The following TTC7B variants were observed in gnomAD, a reference collection of about 807,000 sequenced individuals.
TTC7B encodes tetratricopeptide repeat protein 7B.
A neutral mutation model predicts 106.8 loss-of-function variants in TTC7B; 28 were observed. The observed-to-expected ratio is 0.26, with a 90% CI of 0.19 to 0.36. The LOEUF (loss-of-function observed/expected upper bound fraction) is 0.36, where lower values mean the gene tolerates loss of function less well. TTC7B is among the 10% of genes least tolerant of loss of function. TTC7B has a pLI of 1.00. For synonymous variants in TTC7B, 405 were observed against 430.6 expected (o/e 0.94, Z 0.74); for missense variants, 862 against 1,076.4 (o/e 0.80, Z 2.79).
At chr14:90,625,028 G>A (rs1884377798) in intron 15 of TTC7B, among the ~76,000 whole-genome samples, 1 of 152,230 alleles carries the variant, frequency 6.6e-6, no homozygotes, top group Non-Finnish European at 1.5e-5. Flanking sequence ...CTCCTGTCCA[G>A]ATCGGGGGAG....
chr14:90,739,075 C>A (rs1030482478), intron 4 of TTC7B, among the ~76,000 whole-genome samples: 2 of 152,124 alleles, frequency 1.3e-5, no homozygotes, highest in African/African-American at 4.8e-5. Flanking sequence ...TTAAAATAAG[C>A]ACTTGCTCTT....
intron 6 of TTC7B, among the ~76,000 whole-genome samples, chr14:90,694,697 TA>T (rs1887619870): frequency 7.0e-6 from 1 of 142,754 alleles, no homozygotes; most frequent in African/African-American, 2.5e-5. Context: ...TATTATAAAA[TA>T]TATTTTATTT....
At chr14:90,659,073 C>A (rs529048530) in intron 9 of TTC7B, among the ~76,000 whole-genome samples, 1 of 152,124 alleles carries the variant, frequency 6.6e-6, no homozygotes, top group Non-Finnish European at 1.5e-5. Context: ...GAAATGTGTC[C>A]GAGGTCAAAT....
intron 3 of TTC7B, among the ~76,000 whole-genome samples, chr14:90,770,882 G>C (rs1325761039): frequency 6.7e-6 from 1 of 150,334 alleles, no homozygotes; most frequent in African/African-American, 2.5e-5. Context: ...AGAAAATTCT[G>C]ACACATGTTA....
Position 90,759,089 on chromosome 14 carries a change from C to G in TTC7B, c.446-14167G>C, listed in dbSNP as rs1278647818. On this transcript the variant is annotated intron_variant, in intron 3 of 19. Coordinates refer to ENST00000328459, the MANE Select transcript of TTC7B (RefSeq NM_001010854.2). The surrounding 1 kb of genome is among the most constrained non-coding windows in gnomAD (Gnocchi z 4.1). ...GGCAGCTGCCTGCCTCTGCCTGGTT[C>G]GAGGAAGGCCCAGCCAGGCCGGCCC... Among the ~76,000 whole-genome samples, 9 of 152,184 alleles carry G rather than the reference C, an allele frequency of 5.9e-5. No homozygotes were observed. The highest frequency in any genetic ancestry group is 1.9e-4 in the African/African-American group (8 of 41,440).
chr14:90,751,869 A>G (rs1890148131), intron 3 of TTC7B, among the ~76,000 whole-genome samples: 1 of 152,326 alleles, frequency 6.6e-6, no homozygotes, highest in South Asian at 2.1e-4. Context: ...TAAGAGTCTC[A>G]GAAAAGTTAA....
In TTC7B at chr14:90,581,747, A is replaced by C. The variant is rs184046357; in HGVS notation, c.2108-3439T>G. Among the ~76,000 whole-genome samples, 12 of 152,334 alleles carry C rather than the reference A, an allele frequency of 7.9e-5. No individual in the cohort carries two copies. The East Asian group carries it at 2.3e-3, about 29-fold the overall frequency. On this transcript the variant is annotated intron_variant, in intron 18 of 19. Transcript: ENST00000328459. ...CAATGTGGAGAAAGCCATAAATGCC[A>C]ATAAGACTGTGTGCATGTCATTCCT...
intron 13 of TTC7B, among the ~76,000 whole-genome samples, chr14:90,649,480 T>C (rs1885622529): frequency 6.6e-6 from 1 of 152,130 alleles, no homozygotes; most frequent in Admixed American, 6.5e-5. Context: ...AGAGAGGACA[T>C]TAGTGATCAG....
At chr14:90,730,586 C>T (rs967573943) in intron 4 of TTC7B, among the ~76,000 whole-genome samples, 1 of 152,204 alleles carries the variant, frequency 6.6e-6, no homozygotes, top group Non-Finnish European at 1.5e-5. Context: ...TGGCCGAGGT[C>T]ACTCACAGGC....
intron 3 of TTC7B, among the ~76,000 whole-genome samples, chr14:90,758,323 C>CGGCGGGGCGGGGCGG (rs1215994490): frequency 8.5e-6 from 1 of 117,578 alleles, no homozygotes; most frequent in Non-Finnish European, 1.7e-5. Context: ...GGCTCCAGGA[C>CGGCGGGGCGGGGCGG]GGCGGGGCGG....
intron 3 of TTC7B, among the ~76,000 whole-genome samples, chr14:90,770,744 T>G (rs943658204): frequency 5.3e-5 from 8 of 151,990 alleles, no homozygotes; most frequent in Non-Finnish European, 1.2e-4. Flanking sequence ...ACATAAACAG[T>G]CACTCTACCC....
chr14:90,572,341 G>A (rs146172544), intron 19 of TTC7B, among the ~76,000 whole-genome samples: 19 of 152,248 alleles, frequency 1.2e-4, no homozygotes, highest in African/African-American at 4.1e-4. Flanking sequence ...TCAGCCTTTG[G>A]AGCTGTTAAA....
At chr14:90,614,309 A>G (rs902718871) in intron 16 of TTC7B, among the ~76,000 whole-genome samples, 4 of 151,796 alleles carry the variant, frequency 2.6e-5, no homozygotes, top group Non-Finnish European at 5.9e-5. Flanking sequence ...ATGCTTTATA[A>G]AAAGAAAAGC....
At chr14:90,703,784 T>C (rs534206064) in intron 5 of TTC7B, among the ~76,000 whole-genome samples, 3 of 152,300 alleles carry the variant, frequency 2.0e-5, no homozygotes, top group Admixed American at 1.3e-4. Context: ...AATAAAAGCC[T>C]CTGATATTTT....
intron 5 of TTC7B, among the ~76,000 whole-genome samples, chr14:90,708,403 T>C (rs1486946817): frequency 1.3e-5 from 2 of 152,208 alleles, no homozygotes. Flanking sequence ...CTAATGCAAC[T>C]GGTGACTTTG....
At chr14:90,636,730 A>T (rs1454651877) in intron 15 of TTC7B, among the ~76,000 whole-genome samples, 2 of 152,050 alleles carry the variant, frequency 1.3e-5, no homozygotes, top group Non-Finnish European at 1.5e-5. Context: ...CTCATAACAA[A>T]AGATAAGTTG....
chr14:90,673,258 G>A (rs1299624511), intron 9 of TTC7B, among the ~76,000 whole-genome samples: 1 of 152,212 alleles, frequency 6.6e-6, no homozygotes, highest in Non-Finnish European at 1.5e-5. Context: ...CCTCTAAAAT[G>A]TCAATTAGTC....
At chr14:90,790,914 C>T (rs1168860025) in intron 1 of TTC7B, among the ~76,000 whole-genome samples, 1 of 152,080 alleles carries the variant, frequency 6.6e-6, no homozygotes, top group Admixed American at 6.6e-5. Context: ...ACAGCACAAC[C>T]AAAGCCACAG....
intron 9 of TTC7B, among the ~76,000 whole-genome samples, chr14:90,666,891 C>T (rs2139912003): frequency 6.6e-6 from 1 of 152,322 alleles, no homozygotes; most frequent in South Asian, 2.1e-4. Context: ...GCTCTCCTCT[C>T]AACTCTACGA....
Sources: allele counts gnomAD v4.1 joint callset (sites outside exome capture counted in the v4.1 genomes callset), GRCh38; gene constraint gnomAD v4.1.1; non-coding constraint Gnocchi (gnomAD v3.1); transcripts MANE v1.5; gene names NCBI Gene and HGNC (gene_info 2026-07-23, HGNC 2026-07-21).